TUT4: variants seen among roughly 807,000 people sequenced by gnomAD.
TUT4 encodes the protein terminal uridylyl transferase 4, also known as terminal uridylyltransferase 4.
TUT4 carries 36 observed loss-of-function variants against 192.2 expected under a neutral mutation model. That is an observed-to-expected ratio of 0.19 (90% CI 0.14 to 0.25). TUT4 has a LOEUF of 0.25. TUT4 is among the 10% of genes least tolerant of loss of function. The pLI is 1.00. For missense variants in TUT4, 1,493 were observed against 1,957.2 expected, an observed-to-expected ratio of 0.76 and a Z score of 4.47; for synonymous variants, 618 against 666.0, an observed-to-expected ratio of 0.93 and a Z score of 1.11.
intron 3 of TUT4, among the ~76,000 whole-genome samples, chr1:52,510,551 C>A (rs940049003): frequency 3.3e-5 from 5 of 152,108 alleles, no homozygotes; most frequent in African/African-American, 4.8e-5. Context: ...AAATGAATAA[C>A]CTCTTGAGGT....
intron 1 of TUT4, among the ~76,000 whole-genome samples, chr1:52,538,320 G>A (rs777545395): frequency 6.6e-5 from 10 of 152,036 alleles, no homozygotes; most frequent in Non-Finnish European, 1.3e-4. Flanking sequence ...TATCCCCAAT[G>A]GGCATGTAAC....
chr1:52,445,585 A>G (rs1657308900), intron 24 of TUT4, among the ~76,000 whole-genome samples: 2 of 152,202 alleles, frequency 1.3e-5, no homozygotes, highest in South Asian at 4.1e-4. Context: ...AGTGGAGAAG[A>G]CAGAATTTAA....
intron 20 of TUT4, among the ~76,000 whole-genome samples, chr1:52,455,577 C>A (rs894185441): frequency 7.5e-6 from 1 of 132,774 alleles, no homozygotes; most frequent in East Asian, 2.5e-4. Context: ...CAGTCCAGCC[C>A]GGGCAGCAAC....
intron 24 of TUT4, among the ~76,000 whole-genome samples, chr1:52,445,025 A>G (rs12090138): frequency 1.6e-5 from 2 of 126,062 alleles, no homozygotes; most frequent in Non-Finnish European, 3.1e-5. Flanking sequence ...ATATGTATAT[A>G]TGTGTATATA....
At chr1:52,542,141 C>CA (rs1381790485) in intron 1 of TUT4, among the ~76,000 whole-genome samples, 1 of 152,154 alleles carries the variant, frequency 6.6e-6, no homozygotes, top group Admixed American at 6.5e-5. Context: ...CTACAGCAGT[C>CA]AAAATCATAG....
At chr1:52,517,034 T>C (rs1389494792) in intron 2 of TUT4, among the ~76,000 whole-genome samples, 1 of 152,360 alleles carries the variant, frequency 6.6e-6, no homozygotes, top group East Asian at 1.9e-4. Flanking sequence ...TCACCAAAGC[T>C]GCTTCAAGTC....
At chr1:52,506,582 T>C (rs1419189282) in intron 4 of TUT4, among the ~76,000 whole-genome samples, 1 of 152,228 alleles carries the variant, frequency 6.6e-6, no homozygotes, top group African/African-American at 2.4e-5. Context: ...TTTGCAATGT[T>C]TGATGTACTA....
At chr1:52,444,437 C>T (rs72903609) in intron 24 of TUT4, among the ~76,000 whole-genome samples, 9,121 of 152,024 alleles carry the variant, frequency 0.06, 300 homozygotes, top group South Asian at 0.086. Context: ...ATTCTACCCC[C>T]AAGAAATAAG....
chr1:52,497,908 C>T (rs1001429090), intron 4 of TUT4, among the ~76,000 whole-genome samples: 30 of 152,316 alleles, frequency 2.0e-4, no homozygotes, highest in Admixed American at 5.9e-4. Context: ...ATTATTAACA[C>T]ATCCCCTCCC....
chr1:52,512,035 C>T (rs1011279565), intron 3 of TUT4, among the ~76,000 whole-genome samples: 1 of 152,148 alleles, frequency 6.6e-6, no homozygotes, highest in Non-Finnish European at 1.5e-5. Flanking sequence ...GCCCTGTGTA[C>T]TGATGAGGTC....
chr1:52,466,696 G>T (rs1447480424), intron 15 of TUT4, among the ~76,000 whole-genome samples: 2 of 144,044 alleles, frequency 1.4e-5, no homozygotes, highest in African/African-American at 5.4e-5. Context: ...TTGAGACAGA[G>T]TTTCGCTCTT....
At chr1:52,546,704 T>A (rs934703524) in intron 1 of TUT4, among the ~76,000 whole-genome samples, 3 of 142,586 alleles carry the variant, frequency 2.1e-5, no homozygotes, top group Non-Finnish European at 4.8e-5. Flanking sequence ...TATATTTTAC[T>A]GCAATTTTTA....
intron 8 of TUT4, among the ~76,000 whole-genome samples, 176 bp from the exon 9 acceptor site, chr1:52,489,211 A>G (rs1381184461): frequency 6.6e-6 from 1 of 152,250 alleles, no homozygotes; most frequent in Admixed American, 6.5e-5. Context: ...ATGTCATTCC[A>G]TAACTAGAGT....
In TUT4 at chr1:52,423,908, G is replaced by A; in HGVS notation, c.*27C>T. 1 of 1,609,442 alleles carries A rather than the reference G, an allele frequency of 6.2e-7. No homozygotes were observed. Reference sequence around the variant, plus strand: ...ATTGGCTGGTTGCTGTGCATCGGTAGACCAGCTGAAAGAAAATGGACTCGC... The same window carrying A: ...ATTGGCTGGTTGCTGTGCATCGGTAAACCAGCTGAAAGAAAATGGACTCGC... On this transcript the variant is annotated 3_prime_UTR_variant, in exon 30 of 30. Transcript: ENST00000257177.
chr1:52,537,272 G>A (rs964023503), intron 1 of TUT4, among the ~76,000 whole-genome samples: 5 of 152,142 alleles, frequency 3.3e-5, no homozygotes, highest in East Asian at 1.9e-4. Context: ...GAGCAAAGGC[G>A]TTATAAGAAA....
chr1:52,509,842 C>T (rs949673604), intron 3 of TUT4, 130 bp from the exon 4 acceptor site: 2 of 692,310 alleles, frequency 2.9e-6, no homozygotes, highest in Admixed American at 5.3e-5. Context: ...TTTATCCTTT[C>T]CTTCTTCTAA....
chr1:52,466,669 TATATATATATATATTTTTGAGAC>T (rs1664272355), intron 15 of TUT4, among the ~76,000 whole-genome samples: 1 of 137,214 alleles, frequency 7.3e-6, no homozygotes, highest in Admixed American at 7.1e-5. Context: ...AATATATATA[TATATATATATATATTTTTGAGAC>T]AGAGTTTCGC....
intron 12 of TUT4, 43 bp downstream of exon 12, chr1:52,477,665 C>A (rs1219186075): frequency 6.5e-7 from 1 of 1,548,114 alleles, no homozygotes; most frequent in Non-Finnish European, 8.8e-7. Context: ...ATGAGTAGCA[C>A]ATAAAAAATA....
chr1:52,505,468 C>A (rs1181092963), intron 4 of TUT4, among the ~76,000 whole-genome samples: 1 of 140,852 alleles, frequency 7.1e-6, no homozygotes, highest in Non-Finnish European at 1.5e-5. Context: ...GCCACCCAGG[C>A]TGGAGTGCAG....
Sources: allele counts gnomAD v4.1 joint callset (sites outside exome capture counted in the v4.1 genomes callset), GRCh38; gene constraint gnomAD v4.1.1; transcripts MANE v1.5; gene names NCBI Gene and HGNC (gene_info 2026-07-23, HGNC 2026-07-21).